The following PCDH9 variants were observed in gnomAD, a reference collection of about 807,000 sequenced individuals.
The protein encoded by PCDH9 is protocadherin 9.
A neutral mutation model predicts 70.6 loss-of-function variants in PCDH9; 24 were observed. That is an observed-to-expected ratio of 0.34 (90% CI 0.25 to 0.48). PCDH9 has a LOEUF of 0.48. PCDH9 is among the 20% of genes least tolerant of loss of function. PCDH9 has a pLI of 0.99. For missense variants in PCDH9, 1,281 were observed against 1,503.6 expected (o/e 0.85, Z 2.45); for synonymous variants, 562 against 558.5 (o/e 1.01, Z -0.09).
intron 4 of PCDH9, among the ~76,000 whole-genome samples, chr13:66,458,136 C>T (rs1182250849): frequency 1.3e-5 from 2 of 151,878 alleles, no homozygotes; most frequent in East Asian, 3.9e-4. Context: ...ACTTTAACTC[C>T]CTAAAATCTG....
chr13:67,199,882 A>G (rs1009023546), intron 2 of PCDH9, among the ~76,000 whole-genome samples: 1 of 152,046 alleles, frequency 6.6e-6, no homozygotes, highest in Non-Finnish European at 1.5e-5. Flanking sequence ...GAGAACCTCA[A>G]AGCAAGCTGA....
At chr13:67,224,736 T>C in intron 2 of PCDH9, 1 of 759,866 alleles carries the variant, frequency 1.3e-6, no homozygotes. Flanking sequence ...CATTCTTTTT[T>C]TTTTTTTTTT....
intron 4 of PCDH9, among the ~76,000 whole-genome samples, chr13:66,583,601 G>T (rs1248360539): frequency 6.6e-6 from 1 of 150,880 alleles, no homozygotes; most frequent in African/African-American, 2.4e-5. Context: ...GTGACAGAGT[G>T]AGACTCCCTC....
chr13:67,228,363 A>C lies in PCDH9; in HGVS notation c.78T>G (p.Leu26=). ...GCAATTCCTCTCTAATAGTGTAAAT[A>C]AGTTCTTGAGCTATTGCGGAATCCA... ...LRLDSAIAQE[L]IYTIREELPE... The change falls in exon 2 of 5, where the codon CTT becomes CTG. Residue 26 remains leucine, a synonymous_variant. Transcript: ENST00000377865. 1 of 1,613,796 alleles carries C rather than the reference A, an allele frequency of 6.2e-7. No homozygotes were observed. Among genetic ancestry groups the C allele is most frequent in the Non-Finnish European group, 8.5e-7 (1 of 1,179,892 alleles).
intron 4 of PCDH9, among the ~76,000 whole-genome samples, chr13:66,306,921 G>A (rs936033069): frequency 6.6e-6 from 1 of 151,948 alleles, no homozygotes; most frequent in African/African-American, 2.4e-5. Context: ...CATTCACAAA[G>A]CTAACACATT....
intron 2 of PCDH9, among the ~76,000 whole-genome samples, chr13:66,904,409 C>T (rs796874027): frequency 3.9e-5 from 6 of 152,030 alleles, no homozygotes; most frequent in African/African-American, 1.4e-4. Flanking sequence ...TTTTATTAGA[C>T]TCAAGGCAAG....
chr13:67,021,356 C>T (rs1026917967), intron 2 of PCDH9, among the ~76,000 whole-genome samples: 9 of 152,018 alleles, frequency 5.9e-5, no homozygotes, highest in South Asian at 4.1e-4. Flanking sequence ...AATAAATGAA[C>T]GTCACAGGGA....
At position 67,164,127 on chromosome 13, in the gene PCDH9, A is replaced by G. The variant is rs1171601786; in HGVS notation, c.3036+61278T>C. On this transcript the variant is annotated intron_variant, in intron 2 of 4. Transcript: ENST00000377865. ...CCTTCACATAATGCAATCATAATGC[A>G]TCTTCAAGTTTTCTGTTGTTCTAAT... 2.0e-5 allele frequency among the ~76,000 whole-genome samples: 3 copies of G among 152,214 alleles called. No homozygotes were observed. In the East Asian group the frequency reaches 5.8e-4, roughly 29 times the overall value.
At chr13:66,855,445 T>C (rs1425534688) in intron 3 of PCDH9, among the ~76,000 whole-genome samples, 1 of 152,066 alleles carries the variant, frequency 6.6e-6, no homozygotes, top group Admixed American at 6.6e-5. Context: ...CAATCTGCTG[T>C]GATGGGACCA....
At chr13:66,573,182 G>A (rs1236923900) in intron 4 of PCDH9, among the ~76,000 whole-genome samples, 1 of 151,280 alleles carries the variant, frequency 6.6e-6, no homozygotes, top group African/African-American at 2.4e-5. Flanking sequence ...CTGATGATTA[G>A]TGATGCTGAA....
intron 4 of PCDH9, among the ~76,000 whole-genome samples, chr13:66,483,491 T>A (rs1270879159): frequency 6.6e-6 from 1 of 152,162 alleles, no homozygotes; most frequent in East Asian, 1.9e-4. Context: ...ATGAAGTGAG[T>A]GTGAAACATG....
rs77208658 is a variant in PCDH9, at chr13:66,518,805, T to C, written c.3340+112405A>G. Among the ~76,000 whole-genome samples the C allele has an allele frequency of 8.1e-3, 1,226 of 152,214 alleles. 14 individuals carry two copies. The highest frequency in any genetic ancestry group is 0.014 in the Non-Finnish European group (922 of 67,992). Reference sequence around the variant, plus strand: ...TGTTGGGAGGGGCAAAGGGATTCAATGGGCAGGGAATTTTAAAACTTTTCG... The same window carrying C: ...TGTTGGGAGGGGCAAAGGGATTCAACGGGCAGGGAATTTTAAAACTTTTCG... On this transcript the variant is annotated intron_variant, in intron 4 of 4. Coordinates refer to ENST00000377865, the MANE Select transcript of PCDH9 (RefSeq NM_203487.3).
chr13:66,351,879 G>A (rs1462885646), intron 4 of PCDH9, among the ~76,000 whole-genome samples: 1 of 139,522 alleles, frequency 7.2e-6, no homozygotes, highest in Non-Finnish European at 1.5e-5. Flanking sequence ...CACTCTTATT[G>A]CCAAGGCTAG....
At chr13:67,178,094 C>T (rs1237615302) in intron 2 of PCDH9, among the ~76,000 whole-genome samples, 1 of 152,020 alleles carries the variant, frequency 6.6e-6, no homozygotes, top group East Asian at 1.9e-4. Flanking sequence ...TTAAGTATCT[C>T]CCAAGGTTGT....
intron 2 of PCDH9, among the ~76,000 whole-genome samples, chr13:66,926,481 T>C (rs1415134767): frequency 6.6e-6 from 1 of 152,056 alleles, no homozygotes; most frequent in Non-Finnish European, 1.5e-5. Context: ...CTTTGTGGAT[T>C]AACGTTTCTA....
intron 2 of PCDH9, among the ~76,000 whole-genome samples, chr13:67,043,230 T>G (rs1477649212): frequency 3.9e-5 from 6 of 152,204 alleles, no homozygotes; most frequent in African/African-American, 9.6e-5. Flanking sequence ...CCTGTTGGAA[T>G]CAGCTTGGAG....
intron 4 of PCDH9, among the ~76,000 whole-genome samples, chr13:66,582,037 T>A (rs1023665147): frequency 1.3e-5 from 2 of 152,166 alleles, no homozygotes; most frequent in Non-Finnish European, 1.5e-5. Context: ...CTTCATGATA[T>A]CATTCTGGGT....
chr13:67,047,304 C>T (rs2085241696), intron 2 of PCDH9, among the ~76,000 whole-genome samples: 1 of 152,100 alleles, frequency 6.6e-6, no homozygotes, highest in African/African-American at 2.4e-5. Context: ...CTCCTTGAAC[C>T]CCACCCAAAT....
intron 3 of PCDH9, among the ~76,000 whole-genome samples, chr13:66,719,119 C>T (rs1472242567): frequency 1.3e-5 from 2 of 152,118 alleles, no homozygotes; most frequent in Non-Finnish European, 2.9e-5. Context: ...AAGATGTAGT[C>T]GAAGATGTGG....
Sources: gnomAD v4.1 joint callset for allele counts (sites outside exome capture counted in the v4.1 genomes callset) on GRCh38, gnomAD v4.1.1 for gene constraint, MANE v1.5 for transcripts, NCBI Gene and HGNC (gene_info 2026-07-23, HGNC 2026-07-21) for gene names.